FBXW11: variants seen among roughly 807,000 people sequenced by gnomAD.
FBXW11 encodes the protein F-box/WD repeat-containing protein 11.
Under a neutral mutation model 77.6 loss-of-function variants are expected in FBXW11, and 19 were observed. That is an observed-to-expected ratio of 0.24 (90% confidence interval 0.17 to 0.36). FBXW11 has a LOEUF of 0.36. Ranked by LOEUF, FBXW11 falls within the 10% of genes least tolerant of loss-of-function variation. The pLI, the probability that FBXW11 is intolerant of heterozygous loss-of-function variation, is 1.00. For missense variants in FBXW11, 334 were observed against 704.2 expected (o/e 0.47, Z 5.95); for synonymous variants, 235 against 249.4 (o/e 0.94, Z 0.54).
At chr5:171,999,253 G>A (rs553016373) in intron 1 of FBXW11, among the ~76,000 whole-genome samples, 3 of 152,140 alleles carry the variant, frequency 2.0e-5, no homozygotes, top group Non-Finnish European at 2.9e-5. Flanking sequence ...GCTTTTCAAG[G>A]TACGACTATC....
intron 2 of FBXW11, among the ~76,000 whole-genome samples, chr5:171,955,539 G>C (rs1159145301): frequency 6.6e-6 from 1 of 152,180 alleles, no homozygotes; most frequent in Admixed American, 6.5e-5. Context: ...TGGAGGTAAA[G>C]GGGAGAAATG....
intron 11 of FBXW11, among the ~76,000 whole-genome samples, chr5:171,870,085 AACCTATGTC>A (rs1186731144): frequency 1.3e-5 from 2 of 152,184 alleles, no homozygotes; most frequent in Non-Finnish European, 2.9e-5. Flanking sequence ...CGGACTTGAT[AACCTATGTC>A]ACCAAATTCA....
At chr5:171,989,393 T>C (rs956809895) in intron 1 of FBXW11, among the ~76,000 whole-genome samples, 7 of 152,250 alleles carry the variant, frequency 4.6e-5, no homozygotes, top group African/African-American at 1.7e-4. Flanking sequence ...AAAGTTAGCA[T>C]TGCTCATAAC....
intron 1 of FBXW11, among the ~76,000 whole-genome samples, chr5:171,962,081 G>T (rs1224501255): frequency 6.6e-6 from 1 of 152,132 alleles, no homozygotes; most frequent in Admixed American, 6.5e-5. Flanking sequence ...CTTCATATTA[G>T]CTAAATTCAC....
chr5:171,910,448 G>T, intron 4 of FBXW11, 124 bp downstream of exon 4: 1 of 586,338 alleles, frequency 1.7e-6, no homozygotes. Context: ...ATATATTAAA[G>T]TATGCGTCCC....
intron 2 of FBXW11, among the ~76,000 whole-genome samples, chr5:171,921,382 T>C (rs921394716): frequency 6.6e-6 from 1 of 152,194 alleles, no homozygotes; most frequent in South Asian, 2.1e-4. Flanking sequence ...ATTAAGTAAT[T>C]AACAGTTAAG....
intron 2 of FBXW11, among the ~76,000 whole-genome samples, chr5:171,914,660 G>A (rs988419168): frequency 1.3e-5 from 2 of 152,152 alleles, no homozygotes; most frequent in African/African-American, 4.8e-5. Flanking sequence ...AGAAAAAAAG[G>A]CTAAATTGTG....
chr5:171,987,196 C>T (rs565449452), intron 1 of FBXW11, among the ~76,000 whole-genome samples: 25 of 152,296 alleles, frequency 1.6e-4, no homozygotes, highest in Middle Eastern at 3.4e-3. Context: ...AGACCAATGA[C>T]CTAACGGGAT....
intron 7 of FBXW11, among the ~76,000 whole-genome samples, chr5:171,888,499 C>T (rs905352683): frequency 4.6e-5 from 7 of 152,318 alleles, no homozygotes; most frequent in African/African-American, 1.4e-4. Flanking sequence ...GAGCCATCCC[C>T]GCAACCCCTC....
At chr5:171,891,720 G>C in intron 6 of FBXW11, 116 bp from the exon 7 acceptor site, 1 of 966,262 alleles carries the variant, frequency 1.0e-6, no homozygotes, top group Non-Finnish European at 1.5e-6. Context: ...ATCTTGGTTT[G>C]CATAACTGTC....
In FBXW11 at chr5:171,925,630, G is replaced by T. The variant is rs561172160; in HGVS notation, c.148-11225C>A. Among the ~76,000 whole-genome samples the T allele has an allele frequency of 2.6e-5, 4 of 152,288 alleles. No homozygotes were observed. In the South Asian group the frequency reaches 8.3e-4, roughly 32 times the overall value. Reference sequence around the variant, plus strand: ...CAAGTAGCTGGGACCACAGGTGCATGCCACCGTGCCTGGCTAATTTTTTTA... The same window carrying T: ...CAAGTAGCTGGGACCACAGGTGCATTCCACCGTGCCTGGCTAATTTTTTTA... On this transcript the variant is annotated intron_variant, in intron 2 of 13. Coordinates refer to ENST00000517395, the MANE Select transcript of FBXW11 (RefSeq NM_001378974.1).
intron 1 of FBXW11, among the ~76,000 whole-genome samples, chr5:172,000,607 C>T (rs973299384): frequency 6.6e-6 from 1 of 152,164 alleles, no homozygotes; most frequent in African/African-American, 2.4e-5. Flanking sequence ...TCCACACCAT[C>T]GGTCTTGACT....
intron 1 of FBXW11, among the ~76,000 whole-genome samples, chr5:171,968,543 G>A (rs1218100559): frequency 6.6e-6 from 1 of 151,788 alleles, no homozygotes; most frequent in Non-Finnish European, 1.5e-5. Flanking sequence ...CTTCTAGATA[G>A]CTAACAGATG....
At chr5:171,915,648 T>TGTGTGTGTGTGTGTGTGTGTGTGTGA in intron 2 of FBXW11, among the ~76,000 whole-genome samples, 1 of 151,084 alleles carries the variant, frequency 6.6e-6, no homozygotes, top group South Asian at 2.1e-4. Context: ...TGTGTGTGTG[T>TGTGTGTGTGTGTGTGTGTGTGTGTGA]GTGAGCCTGA....
At chr5:171,968,268 A>C (rs1305467096) in intron 1 of FBXW11, among the ~76,000 whole-genome samples, 1 of 152,032 alleles carries the variant, frequency 6.6e-6, no homozygotes, top group Non-Finnish European at 1.5e-5. Flanking sequence ...CATCCCGGCT[A>C]ACACGGTGAA....
At chr5:171,909,397 G>A (rs1760743304) in intron 4 of FBXW11, among the ~76,000 whole-genome samples, 4 of 152,210 alleles carry the variant, frequency 2.6e-5, no homozygotes, top group Admixed American at 6.5e-5. Flanking sequence ...AGACTCTTAA[G>A]GCAGATATAT....
chr5:171,944,696 G>A (rs998474271), intron 2 of FBXW11, among the ~76,000 whole-genome samples: 2 of 150,772 alleles, frequency 1.3e-5, no homozygotes, highest in Non-Finnish European at 2.9e-5. Context: ...ATAATAAATA[G>A]TATTAATTTT....
chr5:172,005,203 T>C (rs978993754), intron 1 of FBXW11, among the ~76,000 whole-genome samples: 2 of 152,210 alleles, frequency 1.3e-5, no homozygotes, highest in Admixed American at 6.5e-5. Flanking sequence ...ATTTTCACAC[T>C]GAAGAAAATC....
chr5:172,003,367 T>C (rs921106213), intron 1 of FBXW11: 6 of 152,216 alleles, frequency 3.9e-5, no homozygotes, highest in Admixed American at 2.6e-4. Context: ...GTGATACATA[T>C]TGTACAGTTC....
Sources: gnomAD v4.1 joint callset for allele counts (sites outside exome capture counted in the v4.1 genomes callset) on GRCh38, gnomAD v4.1.1 for gene constraint, MANE v1.5 for transcripts, NCBI Gene and HGNC (gene_info 2026-07-23, HGNC 2026-07-21) for gene names.